The following RFX6 variants were observed in gnomAD, a reference collection of about 807,000 sequenced individuals.
The protein encoded by RFX6 is regulatory factor X6, also known as DNA-binding protein RFX6.
RFX6 carries 50 observed loss-of-function variants against 110.8 expected under a neutral mutation model. The observed-to-expected ratio is 0.45, with a 90% confidence interval of 0.36 to 0.57. RFX6 has a LOEUF of 0.57. Ranked by LOEUF, RFX6 falls within the 20% of genes least tolerant of loss-of-function variation. The pLI is 0.00. For synonymous variants in RFX6, 383 were observed against 411.2 expected (o/e 0.93, Z 0.83); for missense variants, 990 against 1,127.0 (o/e 0.88, Z 1.74).
chr6:116,903,942 T>C (rs1775137887), intron 6 of RFX6, among the ~76,000 whole-genome samples: 1 of 152,048 alleles, frequency 6.6e-6, no homozygotes, highest in Admixed American at 6.6e-5. Context: ...GGTCCCAAGA[T>C]ATACTCATCT....
intron 7 of RFX6, among the ~76,000 whole-genome samples, chr6:116,913,997 C>A (rs1468315213): frequency 3.3e-5 from 5 of 152,118 alleles, no homozygotes; most frequent in Non-Finnish European, 5.9e-5. Flanking sequence ...CTATAATCAC[C>A]CTACAGATCT....
chr6:116,924,554 TA>T, intron 14 of RFX6, 114 bp from the exon 15 acceptor site: 1 of 949,142 alleles, frequency 1.1e-6, no homozygotes, highest in Middle Eastern at 2.1e-4. Flanking sequence ...TTGCTCCTTG[TA>T]AAGTGTTGCG....
intron 18 of RFX6, among the ~76,000 whole-genome samples, chr6:116,929,892 T>C (rs866868710): frequency 1.2e-4 from 19 of 152,126 alleles, no homozygotes; most frequent in African/African-American, 4.6e-4. Context: ...AATAATTCAA[T>C]AGGAAGTACT....
intron 10 of RFX6, among the ~76,000 whole-genome samples, chr6:116,918,745 CTTT>C (rs949516705): frequency 1.8e-4 from 28 of 152,114 alleles, no homozygotes; most frequent in African/African-American, 6.3e-4. Context: ...ACAAATTTTA[CTTT>C]TTATTTACCT....
intron 6 of RFX6, among the ~76,000 whole-genome samples, chr6:116,909,659 A>T (rs1248345135): frequency 1.3e-5 from 2 of 149,674 alleles, no homozygotes; most frequent in Admixed American, 6.6e-5. Flanking sequence ...TTGAAAAGAG[A>T]TTAATAAAGT....
intron 1 of RFX6, 22 bp from the exon 2 acceptor site, chr6:116,877,774 C>T: frequency 1.3e-6 from 2 of 1,541,424 alleles, no homozygotes; most frequent in Non-Finnish European, 1.8e-6. Flanking sequence ...TTTTCTTTAT[C>T]ATCCCTTCAA....
At chr6:116,910,856 A>G in intron 6 of RFX6, 79 bp from the exon 7 acceptor site, 2 of 998,024 alleles carry the variant, frequency 2.0e-6, no homozygotes, top group Admixed American at 3.4e-5. Flanking sequence ...AATTTTATGG[A>G]TTTGTATTTT....
At chr6:116,892,982 AG>A (rs1249823937) in intron 4 of RFX6, among the ~76,000 whole-genome samples, 1 of 152,140 alleles carries the variant, frequency 6.6e-6, no homozygotes, top group East Asian at 1.9e-4. Context: ...GTGGCTCCTC[AG>A]TTTAAAGGAT....
intron 6 of RFX6, among the ~76,000 whole-genome samples, chr6:116,904,216 G>GT (rs921187648): frequency 3.3e-5 from 5 of 151,798 alleles, no homozygotes; most frequent in Non-Finnish European, 5.9e-5. Flanking sequence ...AGATCATATC[G>GT]TTTTTTATTT....
intron 7 of RFX6, among the ~76,000 whole-genome samples, chr6:116,915,255 AATAG>A (rs1251187422): frequency 6.6e-6 from 1 of 152,342 alleles, no homozygotes; most frequent in African/African-American, 2.4e-5. Context: ...GACTTTTCAT[AATAG>A]ACATTCAATG....
At position 116,931,713 on chromosome 6, in the gene RFX6, G is replaced by C; in HGVS notation, c.*207G>C. 6.1e-6 allele frequency: 3 copies of C among 487,932 alleles called. No homozygotes were observed. The highest frequency in any genetic ancestry group is 1.1e-5 in the Non-Finnish European group (3 of 276,462). 30.2% of individuals were successfully genotyped at this position (487,932 alleles called of 1,614,324 possible). A position where few individuals can be genotyped will look rare whatever the true frequency, so the allele number is the denominator to read the frequency against. On this transcript the variant is annotated 3_prime_UTR_variant, in exon 19 of 19. Coordinates refer to ENST00000332958, the MANE Select transcript of RFX6 (RefSeq NM_173560.4). ...TGCACACTAAGAGTTTAAAATGTGAGCTCATTATTAATCATAGTTTCAAAA... is the reference window on the plus strand; with the variant it reads ...TGCACACTAAGAGTTTAAAATGTGACCTCATTATTAATCATAGTTTCAAAA...
chr6:116,925,097 CAT>C (rs1459710663), intron 15 of RFX6, among the ~76,000 whole-genome samples: 1 of 152,146 alleles, frequency 6.6e-6, no homozygotes, highest in African/African-American at 2.4e-5. Context: ...ATTCAAGACA[CAT>C]GTGGTATACT....
Position 116,917,204 on chromosome 6 carries a change from G to A in RFX6, c.973-833G>A, listed in dbSNP as rs1168919113. Among the ~76,000 whole-genome samples, 3 of 152,030 alleles carry A rather than the reference G, an allele frequency of 2.0e-5. No individual in the cohort carries two copies. The East Asian group carries it at 5.8e-4, about 29-fold the overall frequency. On this transcript the variant is annotated intron_variant, in intron 9 of 18. Coordinates refer to ENST00000332958, the MANE Select transcript of RFX6 (RefSeq NM_173560.4). Reference sequence around the variant, plus strand: ...GTAATGAGACAACTTGAATAAGAGAGTGCATATTTTTATCCTCTGTCCAGT... The same window carrying A: ...GTAATGAGACAACTTGAATAAGAGAATGCATATTTTTATCCTCTGTCCAGT...
At chr6:116,884,238 C>T (rs1275287657) in intron 4 of RFX6, among the ~76,000 whole-genome samples, 1 of 152,122 alleles carries the variant, frequency 6.6e-6, no homozygotes, top group African/African-American at 2.4e-5. Context: ...GGTCCCTTCT[C>T]TGCACCCTGT....
intron 6 of RFX6, among the ~76,000 whole-genome samples, chr6:116,904,917 A>C (rs544676306): frequency 1.5e-3 from 232 of 152,324 alleles, no homozygotes; most frequent in Non-Finnish European, 3.0e-3. Context: ...TAATCCATTC[A>C]TCTGTCGATG....
intron 17 of RFX6, 96 bp downstream of exon 17, chr6:116,927,635 C>T: frequency 2.1e-6 from 2 of 958,064 alleles, no homozygotes; most frequent in Admixed American, 3.9e-5. Flanking sequence ...CATGTCCTTT[C>T]ATTTAAGGCT....
chr6:116,929,019 C>A, intron 18 of RFX6, 48 bp downstream of exon 18: 1 of 1,198,352 alleles, frequency 8.3e-7, no homozygotes, highest in Non-Finnish European at 1.2e-6. Flanking sequence ...AGTTGTTAAC[C>A]TCAGGTATGC....
At chr6:116,892,233 A>G (rs891868997) in intron 4 of RFX6, among the ~76,000 whole-genome samples, 1 of 152,224 alleles carries the variant, frequency 6.6e-6, no homozygotes, top group African/African-American at 2.4e-5. Flanking sequence ...GTTTGCTGCC[A>G]CAGTCCTGCC....
rs200325481 is a variant in RFX6, at chr6:116,927,443, A to C, written c.2302A>C (p.Asn768His). Residue 768 changes from asparagine to histidine, a missense_variant, in exon 17 of 19, where the codon AAT becomes CAT. Physicochemically the swap from Asn to His is moderately conservative, Grantham distance 68. Around this residue, in one of 5 missense-constraint regions of RFX6, gnomAD observed 438 missense variants for 441.9 expected, o/e 0.99. Coordinates refer to ENST00000332958, the MANE Select transcript of RFX6 (RefSeq NM_173560.4). The stretch of plus-strand genomic sequence containing the variant: ...ATCCCTGCAAGCCCAGGATTCACAC[A>C]ATATGCAGTTTTTAAATACAGGAAG... ...GPSLQAQDSH[N>H]MQFLNTGSFN... is the part of the protein sequence containing the mutation. 26 of 1,613,982 alleles carry C rather than the reference A, an allele frequency of 1.6e-5. No individual in the cohort carries two copies. The highest frequency in any genetic ancestry group is 1.9e-5 in the Non-Finnish European group (23 of 1,179,998).
Sources: gnomAD v4.1 joint callset for allele counts (sites outside exome capture counted in the v4.1 genomes callset) on GRCh38, gnomAD v4.1.1 for gene constraint, gnomAD v4.1.1 regional missense constraint, MANE v1.5 for transcripts, NCBI Gene and HGNC (gene_info 2026-07-23, HGNC 2026-07-21) for gene names.